SLC6A4: variants seen among roughly 807,000 people sequenced by gnomAD.
SLC6A4 encodes solute carrier family 6 member 4, also known as sodium-dependent serotonin transporter.
Under a neutral mutation model 73.4 loss-of-function variants are expected in SLC6A4, and 22 were observed. The ratio of observed to expected loss-of-function variants is 0.30; its 90% CI spans 0.21 to 0.43. The LOEUF is 0.43. SLC6A4 is among the 20% of genes least tolerant of loss of function. SLC6A4 has a pLI of 1.00. For synonymous variants in SLC6A4, 270 were observed against 315.5 expected (o/e 0.86, Z 1.53); for missense variants, 593 against 808.5 (o/e 0.73, Z 3.23).
intron 1 of SLC6A4, among the ~76,000 whole-genome samples, chr17:30,226,234 T>C (rs982532532): frequency 9.2e-5 from 14 of 152,222 alleles, no homozygotes; most frequent in African/African-American, 3.4e-4. Context: ...TGGCAGTTCG[T>C]ATCCTCTATT....
In SLC6A4 at chr17:30,211,179, G is replaced by A. The variant is rs1280245990; in HGVS notation, c.1317+133C>T. On this transcript the variant is annotated intron_variant, in intron 10 of 14. Transcript: ENST00000650711. The surrounding 1 kb of genome is among the most constrained non-coding windows in gnomAD (Gnocchi z 4.0). ...GGTAAATGCCGAGGAGTCAGCCGGG[G>A]GTCTGGAGCACCAGAAGGGAGTAGC... 1.6e-6 allele frequency: 1 copy of A among 629,240 alleles called. No individual in the cohort carries two copies. The highest frequency in any genetic ancestry group is 2.9e-6 in the Non-Finnish European group (1 of 350,598). 39.0% of individuals were successfully genotyped at this position (629,240 alleles called of 1,614,324 possible).
At chr17:30,225,269 A>G (rs1906892876) in intron 1 of SLC6A4, among the ~76,000 whole-genome samples, 1 of 150,288 alleles carries the variant, frequency 6.7e-6, no homozygotes, top group Non-Finnish European at 1.5e-5. Context: ...GTAGAGGAAA[A>G]CTCCTCTCGG....
chr17:30,198,305 T>G lies in SLC6A4; in HGVS notation c.*151A>C. 1.8e-6 allele frequency: 1 copy of G among 546,920 alleles called. No individual in the cohort carries two copies. Among genetic ancestry groups the G allele is most frequent in the Non-Finnish European group, 3.3e-6 (1 of 304,192 alleles). 33.9% of individuals were successfully genotyped at this position (546,920 alleles called of 1,614,324 possible). On this transcript the variant is annotated 3_prime_UTR_variant, in exon 15 of 15. Transcript: ENST00000650711. ...GAAATAAGTGGCTGGAGGCCTTGAGTCTGGGCACCAGACTGTGTCCCTGTG... is the reference window on the plus strand; with the variant it reads ...GAAATAAGTGGCTGGAGGCCTTGAGGCTGGGCACCAGACTGTGTCCCTGTG...
chr17:30,230,081 GAAGAAGAA>G (rs1907047441), intron 1 of SLC6A4, among the ~76,000 whole-genome samples: 4 of 124,262 alleles, frequency 3.2e-5, no homozygotes, highest in African/African-American at 1.2e-4. Flanking sequence ...AGAAGAAGAA[GAAGAAGAA>G]GAAGAAGAGG....
At chr17:30,204,998 A>G (rs942431913) in intron 13 of SLC6A4, among the ~76,000 whole-genome samples, 3 of 152,174 alleles carry the variant, frequency 2.0e-5, no homozygotes, top group Non-Finnish European at 4.4e-5. Flanking sequence ...CAGGCACGAC[A>G]TTTCAGCAGG....
chr17:30,223,832 C>A (rs1906847461), intron 1 of SLC6A4, among the ~76,000 whole-genome samples: 2 of 152,166 alleles, frequency 1.3e-5, no homozygotes, highest in Admixed American at 1.3e-4. Context: ...ATTTATGCTA[C>A]TGCCTGGCCT....
intron 14 of SLC6A4, among the ~76,000 whole-genome samples, chr17:30,200,137 C>T (rs1484852555): frequency 6.6e-6 from 1 of 152,192 alleles, no homozygotes; most frequent in Admixed American, 6.5e-5. Context: ...TTTGGTGGGG[C>T]AAGGCCCGCA....
chr17:30,203,098 T>TAAC (rs1387065662), intron 14 of SLC6A4, 74 bp downstream of exon 14: 3 of 1,250,568 alleles, frequency 2.4e-6, no homozygotes, highest in Middle Eastern at 1.9e-4. Flanking sequence ...GAATAGAGCA[T>TAAC]AACAAGATAA....
At chr17:30,226,141 A>G (rs1030743532) in intron 1 of SLC6A4, among the ~76,000 whole-genome samples, 1 of 152,198 alleles carries the variant, frequency 6.6e-6, no homozygotes, top group African/African-American at 2.4e-5. Flanking sequence ...AGGAAACTCA[A>G]CTTTCTTTCT....
chr17:30,218,995 C>G, intron 3 of SLC6A4, 64 bp from the exon 4 acceptor site: 2 of 1,597,114 alleles, frequency 1.3e-6, no homozygotes, highest in African/African-American at 2.7e-5. Flanking sequence ...CCCAACCAAT[C>G]TGTGACTGAG....
chr17:30,206,661 G>C (rs1906208029), intron 13 of SLC6A4, among the ~76,000 whole-genome samples: 1 of 148,886 alleles, frequency 6.7e-6, no homozygotes, highest in South Asian at 2.1e-4. Context: ...TGTGACTTTG[G>C]ACCCTTCACT....
chr17:30,214,422 C>CAAA (rs748274109), intron 8 of SLC6A4, among the ~76,000 whole-genome samples: 3,492 of 78,998 alleles, frequency 0.044, 340 homozygotes, highest in African/African-American at 0.17. Flanking sequence ...AACTCCGTCT[C>CAAA]AAAAAAAAAA....
rs1289152192 is a variant in SLC6A4 at position 30,221,718 on chromosome 17, T to C, written c.241A>G (p.Thr81Ala). The change falls in exon 3 of 15, where the codon ACC (threonine) becomes GCC (alanine). Residue 81 changes from threonine (T) to alanine (A), a missense_variant. By Grantham distance (58) the Thr-to-Ala change is moderately conservative. Transcript: ENST00000650711. Reference protein sequence around the residue: ...VAELHQGERETWGKKVDFLLS... With the variant: ...VAELHQGEREAWGKKVDFLLS... ...AGGAAATCCACCTTCTTGCCCCAGGTCTCCCGTTCCCCTTGATGAAGCTCA... is the reference window on the plus strand; with the variant it reads ...AGGAAATCCACCTTCTTGCCCCAGGCCTCCCGTTCCCCTTGATGAAGCTCA... The C allele has an allele frequency of 1.2e-6, 2 of 1,614,112 alleles. No homozygotes were observed. Among genetic ancestry groups the C allele is most frequent in the Non-Finnish European group, 1.7e-6 (2 of 1,180,026 alleles).
chr17:30,212,864 A>T lies in SLC6A4; in HGVS notation c.1080T>A (p.Asp360Glu). ...AGTTCACCACGCTGGTCACCAGGGC[A>T]TCTCTGGAGGGGAAAACCCAAGGGG... Reference protein sequence around the residue: ...YNKFNNNCYQDALVTSVVNCM... With the variant: ...YNKFNNNCYQEALVTSVVNCM... The change falls in exon 9 of 15, where the codon GAT (aspartate) becomes GAA (glutamate). Residue 360 changes from aspartate to glutamate, a missense_variant. Physicochemically the swap from Asp to Glu is conservative, Grantham distance 45. Transcript: ENST00000650711. The T allele has an allele frequency of 2.5e-6, 4 of 1,614,096 alleles. No homozygotes were observed. The highest frequency in any genetic ancestry group is 3.4e-6 in the Non-Finnish European group (4 of 1,179,996).
intron 1 of SLC6A4, among the ~76,000 whole-genome samples, chr17:30,225,986 C>T (rs931160860): frequency 6.6e-6 from 1 of 152,146 alleles, no homozygotes; most frequent in African/African-American, 2.4e-5. Flanking sequence ...GTAATTATCC[C>T]GATTGGTCAT....
chr17:30,218,697 G>T (rs966171619), intron 4 of SLC6A4, 100 bp downstream of exon 4: 9 of 1,282,244 alleles, frequency 7.0e-6, no homozygotes, highest in South Asian at 1.3e-5. Flanking sequence ...GATGCCTAAG[G>T]CCTGACTGAT....
In SLC6A4 at chr17:30,218,475, G is replaced by A. The variant is rs537121863; in HGVS notation, c.479-138C>T. On this transcript the variant is annotated intron_variant, in intron 4 of 14. Coordinates refer to ENST00000650711, the MANE Select transcript of SLC6A4 (RefSeq NM_001045.6). Reference sequence around the variant, plus strand: ...GGTGCTGCCCTCCATTCCATTCCAAGGACTCCAGGCCACCGTGGGAAAAGT... The same window carrying A: ...GGTGCTGCCCTCCATTCCATTCCAAAGACTCCAGGCCACCGTGGGAAAAGT... The A allele has an allele frequency of 1.6e-5, 11 of 687,562 alleles. No individual in the cohort carries two copies. In the African/African-American group the frequency reaches 2.0e-4, roughly 12 times the overall value. 42.6% of individuals were successfully genotyped at this position (687,562 alleles called of 1,614,324 possible).
chr17:30,202,721 T>C (rs1445079434), intron 14 of SLC6A4, among the ~76,000 whole-genome samples: 1 of 152,232 alleles, frequency 6.6e-6, no homozygotes. Context: ...TATGATACTG[T>C]TGCAACATCC....
chr17:30,228,499 G>T (rs1453464929), intron 1 of SLC6A4, among the ~76,000 whole-genome samples: 1 of 152,204 alleles, frequency 6.6e-6, no homozygotes, highest in Non-Finnish European at 1.5e-5. Flanking sequence ...GCCTCACTGG[G>T]TCATGCTTGC....
Sources: allele counts gnomAD v4.1 joint callset (sites outside exome capture counted in the v4.1 genomes callset), GRCh38; gene constraint gnomAD v4.1.1; non-coding constraint Gnocchi (gnomAD v3.1); transcripts MANE v1.5; gene names NCBI Gene and HGNC (gene_info 2026-07-23, HGNC 2026-07-21).